Variants in ABCB1 observed in about 807,000 individuals in gnomAD.
The protein encoded by ABCB1 is ATP-dependent translocase ABCB1.
A neutral mutation model predicts 142.0 loss-of-function variants in ABCB1; 69 were observed. The observed-to-expected ratio is 0.49, with a 90% confidence interval of 0.40 to 0.59. ABCB1 has a LOEUF of 0.59. ABCB1 is among the 20% of genes least tolerant of loss of function. The pLI, the probability that ABCB1 is intolerant of heterozygous loss-of-function variation, is 0.00. For synonymous variants in ABCB1, 532 were observed against 539.2 expected, an observed-to-expected ratio of 0.99 and a Z score of 0.18; for missense variants, 1,326 against 1,554.7, an observed-to-expected ratio of 0.85 and a Z score of 2.47.
intron 1 of ABCB1, among the ~76,000 whole-genome samples, chr7:87,638,077 A>C (rs191862805): frequency 1.6e-3 from 242 of 152,134 alleles, no homozygotes; most frequent in Middle Eastern, 0.014. Flanking sequence ...TTTGTCTTTC[A>C]AGTAAACGTG....
intron 13 of ABCB1, 93 bp downstream of exon 13, chr7:87,549,758 T>C (rs769086997): frequency 6.8e-7 from 1 of 1,474,104 alleles, no homozygotes; most frequent in African/African-American, 1.4e-5. Flanking sequence ...ATTTCCCTTC[T>C]TCCGATTTAT....
chr7:87,537,609 A>G lies in ABCB1; in HGVS notation c.2398-1068T>C, dbSNP rs541778804. Among the ~76,000 whole-genome samples, 6 of 152,286 alleles carry G rather than the reference A, an allele frequency of 3.9e-5. 1 individual carries two copies. Among genetic ancestry groups the G allele is most frequent in the African/African-American group, 1.4e-4 (6 of 41,572 alleles). The stretch of plus-strand genomic sequence containing the variant: ...GGGGAGGGGAAGAGTCAAAAGCTCC[A>G]TTTTGGAAATGTTAAACAGTGAAAC... On this transcript the variant is annotated intron_variant, in intron 19 of 27. Coordinates refer to ENST00000622132, the MANE Select transcript of ABCB1 (RefSeq NM_001348946.2).
intron 24 of ABCB1, 152 bp downstream of exon 24, chr7:87,516,357 T>C (rs1353423525): frequency 2.1e-6 from 2 of 942,062 alleles, no homozygotes; most frequent in East Asian, 2.6e-5. Flanking sequence ...TGTTGATGTA[T>C]ATTATTAGCA....
intron 1 of ABCB1, among the ~76,000 whole-genome samples, chr7:87,631,367 C>A (rs1430271012): frequency 6.6e-6 from 1 of 152,086 alleles, no homozygotes; most frequent in East Asian, 1.9e-4. Context: ...TCACTCATGT[C>A]TCTTATGAAT....
At chr7:87,537,571 G>A (rs1816353920) in intron 19 of ABCB1, among the ~76,000 whole-genome samples, 1 of 152,024 alleles carries the variant, frequency 6.6e-6, no homozygotes, top group Non-Finnish European at 1.5e-5. Flanking sequence ...AGTGGGTAAG[G>A]AATAAGGCTG....
intron 4 of ABCB1, among the ~76,000 whole-genome samples, chr7:87,584,583 C>T (rs886135002): frequency 6.6e-5 from 10 of 152,102 alleles, no homozygotes; most frequent in Admixed American, 1.3e-4. Context: ...ATGTATGTTA[C>T]ACCCAGATTA....
chr7:87,521,619 G>A (rs1815512936), intron 21 of ABCB1: 1 of 770,802 alleles, frequency 1.3e-6, no homozygotes, highest in South Asian at 1.3e-5. Context: ...CAAATACCAA[G>A]CGCTCAAGGG....
chr7:87,572,481 T>A (rs981841168), intron 4 of ABCB1, among the ~76,000 whole-genome samples: 4 of 152,170 alleles, frequency 2.6e-5, no homozygotes, highest in Non-Finnish European at 5.9e-5. Flanking sequence ...TCAAAATACA[T>A]AGAAAACAAG....
chr7:87,540,835 C>T (rs888428396), intron 18 of ABCB1, among the ~76,000 whole-genome samples: 1 of 152,206 alleles, frequency 6.6e-6, no homozygotes, highest in Non-Finnish European at 1.5e-5. Flanking sequence ...TGACTCTTTA[C>T]AAATGTTTCC....
chr7:87,521,176 C>T (rs1477439609), intron 21 of ABCB1: 2 of 412,088 alleles, frequency 4.9e-6, no homozygotes, highest in Non-Finnish European at 8.9e-6. Context: ...CCAGAGAACT[C>T]ACAGTACTTC....
intron 1 of ABCB1, among the ~76,000 whole-genome samples, chr7:87,689,688 C>A (rs538075276): frequency 6.6e-6 from 1 of 152,070 alleles, no homozygotes; most frequent in African/African-American, 2.4e-5. Context: ...AGGAGGGTAT[C>A]ATAATAATAA....
intron 1 of ABCB1, chr7:87,628,590 T>C (rs879527270): frequency 0.17 from 10,626 of 61,132 alleles, 194 homozygotes; most frequent in Middle Eastern, 0.23. Context: ...CGTGCGTGTG[T>C]GTGTGTGTGT....
At chr7:87,665,510 C>G (rs1825135902) in intron 1 of ABCB1, among the ~76,000 whole-genome samples, 1 of 151,968 alleles carries the variant, frequency 6.6e-6, no homozygotes, top group Admixed American at 6.6e-5. Flanking sequence ...TCCATACTAC[C>G]CAAAGTGACC....
At chr7:87,570,482 C>T (rs1818002894) in intron 4 of ABCB1, among the ~76,000 whole-genome samples, 1 of 152,162 alleles carries the variant, frequency 6.6e-6, no homozygotes, top group Non-Finnish European at 1.5e-5. Flanking sequence ...AGTCTGTCAG[C>T]AGAAATATCA....
At chr7:87,584,132 A>G (rs76104947) in intron 4 of ABCB1, among the ~76,000 whole-genome samples, 1 of 152,164 alleles carries the variant, frequency 6.6e-6, no homozygotes, top group South Asian at 2.1e-4. Flanking sequence ...ACATACAAAA[A>G]TTTTTCTGGC....
chr7:87,515,090 A>T, intron 25 of ABCB1, 141 bp downstream of exon 25: 2 of 1,104,784 alleles, frequency 1.8e-6, no homozygotes, highest in Non-Finnish European at 2.6e-6. Context: ...CTTGGAGACC[A>T]TATTTAGGCT....
intron 1 of ABCB1, among the ~76,000 whole-genome samples, chr7:87,685,528 C>A (rs183916717): frequency 1.3e-5 from 2 of 152,210 alleles, no homozygotes; most frequent in East Asian, 3.9e-4. Context: ...TTTCCACACA[C>A]AACAACATGT....
At chr7:87,563,786 G>C (rs1817671525) in intron 7 of ABCB1, among the ~76,000 whole-genome samples, 1 of 151,212 alleles carries the variant, frequency 6.6e-6, no homozygotes, top group African/African-American at 2.4e-5. Flanking sequence ...TGATAGACTG[G>C]ATAAAAAAAA....
intron 1 of ABCB1, among the ~76,000 whole-genome samples, chr7:87,655,354 A>T (rs1823992386): frequency 6.6e-6 from 1 of 152,114 alleles, no homozygotes; most frequent in Non-Finnish European, 1.5e-5. Context: ...ATAAAAAAAA[A>T]GTTGCGTATA....
Sources: gnomAD v4.1 joint callset for allele counts (sites outside exome capture counted in the v4.1 genomes callset) on GRCh38, gnomAD v4.1.1 for gene constraint, MANE v1.5 for transcripts, NCBI Gene and HGNC (gene_info 2026-07-23, HGNC 2026-07-21) for gene names.